Variants in ZBTB8A observed in about 807,000 individuals in gnomAD.
ZBTB8A encodes the protein zinc finger and BTB domain containing 8A.
In ZBTB8A, 19 loss-of-function variants were observed where a neutral mutation model predicts 37.8. The observed-to-expected ratio is 0.50, with a 90% confidence interval of 0.35 to 0.74. ZBTB8A has a LOEUF of 0.74. ZBTB8A is among the 30% of genes least tolerant of loss of function. The probability of loss-of-function intolerance (pLI) is 0.01; values close to 1 mark genes in which losing one functional copy is unlikely to be tolerated. For synonymous variants in ZBTB8A, 181 were observed against 185.2 expected (o/e 0.98, Z 0.19); for missense variants, 394 against 537.8 (o/e 0.73, Z 2.65).
Position 32,600,232 on chromosome 1 carries a change from A to C in ZBTB8A, c.1139A>C (p.Asp380Ala). Residue 380 changes from aspartate to alanine, a missense_variant, in exon 5 of 5, where the codon GAC (aspartate) becomes GCC (alanine). By Grantham distance (126) the Asp-to-Ala change is moderately radical. Transcript: ENST00000373510. ...TTTGGCATAGACAGCCTCCCCATTG[A>C]CTTGGAAGCTGAACAACATCTTATG... is the stretch of plus-strand genomic sequence containing the variant. ...AEFGIDSLPI[D>A]LEAEQHLMSP... The C allele has an allele frequency of 1.2e-6, 2 of 1,614,104 alleles. No individual in the cohort carries two copies. Among genetic ancestry groups the C allele is most frequent in the Non-Finnish European group, 1.7e-6 (2 of 1,179,996 alleles).
chr1:32,566,156 C>T (rs1366987006), intron 2 of ZBTB8A, among the ~76,000 whole-genome samples: 8 of 148,510 alleles, frequency 5.4e-5, no homozygotes, highest in African/African-American at 1.5e-4. Flanking sequence ...GAGCCAAGAT[C>T]GTGCCATTGC....
In ZBTB8A at chr1:32,593,208, C is replaced by G. The variant is rs1269819142; in HGVS notation, c.277C>G (p.Gln93Glu). The change falls in exon 3 of 5, where the codon CAG becomes GAG. Residue 93 changes from glutamine (Q) to glutamate (E), a missense_variant. Transcript: ENST00000373510. Reference protein sequence around the residue: ...VYSGKLSLTGQNVIEVMSAAS... With the variant: ...VYSGKLSLTGENVIEVMSAAS... ...TTCTGGCAAACTGTCTCTTACTGGT[C>G]AGAATGTCATAGAAGTGATGTCGGC... 6.2e-7 allele frequency: 1 copy of G among 1,614,138 alleles called. No individual in the cohort carries two copies. The highest frequency in any genetic ancestry group is 1.3e-5 in the African/African-American group (1 of 75,046).
chr1:32,547,828 CAAAAAAA>C (rs1194254576), intron 1 of ZBTB8A, among the ~76,000 whole-genome samples: 13 of 30,476 alleles, frequency 4.3e-4, no homozygotes, highest in African/African-American at 1.1e-3. Context: ...ACAAACAAAG[CAAAAAAA>C]AAAAAAAAAA....
At chr1:32,540,751 G>A (rs948519326) in intron 1 of ZBTB8A, among the ~76,000 whole-genome samples, 3 of 152,200 alleles carry the variant, frequency 2.0e-5, no homozygotes, top group African/African-American at 7.2e-5. Context: ...GTATGGATGC[G>A]TTTGTAGACT....
At chr1:32,582,062 C>T (rs968674977) in intron 2 of ZBTB8A, among the ~76,000 whole-genome samples, 1 of 152,098 alleles carries the variant, frequency 6.6e-6, no homozygotes, top group African/African-American at 2.4e-5. Context: ...AAAATGTAGT[C>T]ATGACCCAAC....
At chr1:32,542,453 A>C (rs1025326810) in intron 1 of ZBTB8A, among the ~76,000 whole-genome samples, 2 of 152,086 alleles carry the variant, frequency 1.3e-5, no homozygotes, top group African/African-American at 2.4e-5. Flanking sequence ...AGGCACCTGT[A>C]ATCACAACTA....
intron 2 of ZBTB8A, among the ~76,000 whole-genome samples, chr1:32,591,406 A>G (rs1445158212): frequency 1.3e-5 from 2 of 151,770 alleles, no homozygotes; most frequent in Non-Finnish European, 2.9e-5. Flanking sequence ...TTTTGTAGAG[A>G]CAGGGTCTTG....
intron 2 of ZBTB8A, among the ~76,000 whole-genome samples, chr1:32,558,438 AACACACACACACACAC>A (rs35047367): frequency 8.2e-5 from 12 of 145,768 alleles, no homozygotes; most frequent in South Asian, 6.7e-4. Flanking sequence ...CTAAGTATTA[AACACACACACACACAC>A]ACACACACAC....
intron 1 of ZBTB8A, among the ~76,000 whole-genome samples, 152 bp from the exon 2 acceptor site, chr1:32,553,307 G>A (rs897246509): frequency 1.1e-4 from 17 of 152,210 alleles, no homozygotes; most frequent in African/African-American, 2.9e-4. Context: ...TTATCTGCCC[G>A]CGTTGGCCTC....
intron 2 of ZBTB8A, among the ~76,000 whole-genome samples, chr1:32,556,984 A>G (rs1644208102): frequency 6.6e-6 from 1 of 152,112 alleles, no homozygotes; most frequent in South Asian, 2.1e-4. Flanking sequence ...TTATTTTTGA[A>G]TCATACGCAT....
intron 2 of ZBTB8A, among the ~76,000 whole-genome samples, chr1:32,574,120 G>A (rs193007082): frequency 6.6e-5 from 10 of 151,872 alleles, no homozygotes; most frequent in African/African-American, 1.4e-4. Flanking sequence ...TGAACTATAC[G>A]TTTTCCTCTA....
chr1:32,547,741 C>G (rs1224233355), intron 1 of ZBTB8A, among the ~76,000 whole-genome samples: 2 of 141,148 alleles, frequency 1.4e-5, no homozygotes, highest in Admixed American at 1.5e-4. Flanking sequence ...CCGGGGAGGT[C>G]AAGGCTGCAG....
At chr1:32,584,934 A>G (rs1266532589) in intron 2 of ZBTB8A, among the ~76,000 whole-genome samples, 1 of 152,068 alleles carries the variant, frequency 6.6e-6, no homozygotes, top group Non-Finnish European at 1.5e-5. Context: ...GCAATAGGAC[A>G]AACATAAGAA....
intron 2 of ZBTB8A, among the ~76,000 whole-genome samples, chr1:32,563,314 G>A (rs925077083): frequency 6.6e-5 from 10 of 152,094 alleles, no homozygotes; most frequent in Non-Finnish European, 1.2e-4. Flanking sequence ...GGAGGATCCC[G>A]TGGGCCCAGG....
In ZBTB8A at chr1:32,593,138, G is replaced by T. The variant is rs370105933; in HGVS notation, c.207G>T (p.Gln69His). Residue 69 changes from glutamine (Q) to histidine (H), a missense_variant, in exon 3 of 5, where the codon CAG becomes CAT. Transcript: ENST00000373510. ...ETSQPTTATF[Q>H]AFSPDTFTVI... Reference sequence around the variant, plus strand: ...GTCAGCCAACCACAGCTACATTTCAGGCTTTCTCCCCTGACACTTTTACAG... The same window carrying T: ...GTCAGCCAACCACAGCTACATTTCATGCTTTCTCCCCTGACACTTTTACAG... The T allele has an allele frequency of 7.2e-5, 116 of 1,614,214 alleles. 1 individual carries two copies. The highest frequency in any genetic ancestry group is 6.6e-4 in the Middle Eastern group (4 of 6,062).
At chr1:32,556,016 C>A (rs1039245002) in intron 2 of ZBTB8A, among the ~76,000 whole-genome samples, 1 of 151,898 alleles carries the variant, frequency 6.6e-6, no homozygotes, top group African/African-American at 2.4e-5. Flanking sequence ...TCAAGTGACG[C>A]TCCCACCTCA....
intron 4 of ZBTB8A, among the ~76,000 whole-genome samples, chr1:32,597,248 G>A (rs1282356306): frequency 1.3e-5 from 2 of 152,014 alleles, no homozygotes; most frequent in African/African-American, 4.8e-5. Context: ...ATCCACCTCG[G>A]CCTCCCAAAG....
chr1:32,567,818 A>C (rs376689549), intron 2 of ZBTB8A, among the ~76,000 whole-genome samples: 1,195 of 22,916 alleles, frequency 0.052, 206 homozygotes, highest in East Asian at 0.38. Context: ...AAAAAAAAAA[A>C]AAAAACAAAA....
intron 2 of ZBTB8A, among the ~76,000 whole-genome samples, chr1:32,568,362 C>T (rs368890357): frequency 4.7e-4 from 72 of 151,798 alleles, no homozygotes; most frequent in African/African-American, 1.6e-3. Flanking sequence ...TGTAATCTCC[C>T]TTACGTGATT....
Sources: allele counts gnomAD v4.1 joint callset (sites outside exome capture counted in the v4.1 genomes callset), GRCh38; gene constraint gnomAD v4.1.1; transcripts MANE v1.5; gene names NCBI Gene and HGNC (gene_info 2026-07-23, HGNC 2026-07-21).